TTC28: variants seen among roughly 807,000 people sequenced by gnomAD.
The protein encoded by TTC28 is tetratricopeptide repeat domain 28, also known as tetratricopeptide repeat protein 28.
TTC28 carries 61 observed loss-of-function variants against 198.0 expected under a neutral mutation model. That is an observed-to-expected ratio of 0.31 (90% CI 0.25 to 0.38). The LOEUF (loss-of-function observed/expected upper bound fraction) is 0.38. Among genes scored for constraint, TTC28 ranks in the 10% least tolerant of loss-of-function variants. The probability of loss-of-function intolerance (pLI) is 1.00; values close to 1 mark genes in which losing one functional copy is unlikely to be tolerated. For missense variants in TTC28, 2,678 were observed against 3,164.0 expected (o/e 0.85, Z 3.69); for synonymous variants, 1,171 against 1,297.8 (o/e 0.90, Z 2.10).
chr22:28,275,606 C>T (rs540546675), intron 5 of TTC28, among the ~76,000 whole-genome samples: 1 of 152,184 alleles, frequency 6.6e-6, no homozygotes, highest in African/African-American at 2.4e-5. Context: ...TGAAAGTGCC[C>T]TTTTCCTCAT....
chr22:28,193,777 A>G (rs1040081353), intron 5 of TTC28, among the ~76,000 whole-genome samples: 6 of 152,206 alleles, frequency 3.9e-5, no homozygotes, highest in African/African-American at 1.4e-4. Context: ...GAGCATCCAG[A>G]TTCATAAATC....
intron 5 of TTC28, among the ~76,000 whole-genome samples, chr22:28,169,498 A>C (rs960117954): frequency 6.6e-6 from 1 of 152,214 alleles, no homozygotes; most frequent in Non-Finnish European, 1.5e-5. Context: ...GCCATAAAAA[A>C]GGATGAGTCA....
chr22:28,099,070 T>C, intron 9 of TTC28, 26 bp from the exon 10 acceptor site: 2 of 1,551,466 alleles, frequency 1.3e-6, no homozygotes, highest in South Asian at 2.4e-5. Flanking sequence ...AAGAACATCA[T>C]CCATTCCCCA....
intron 1 of TTC28, among the ~76,000 whole-genome samples, chr22:28,649,310 C>A (rs2051529901): frequency 6.6e-6 from 1 of 152,176 alleles, no homozygotes. Context: ...TCTCAGACTT[C>A]ACCCACTACA....
intron 2 of TTC28, among the ~76,000 whole-genome samples, chr22:28,422,713 G>A (rs1397299365): frequency 1.3e-5 from 2 of 151,960 alleles, no homozygotes; most frequent in African/African-American, 4.8e-5. Flanking sequence ...CCAAAGTGCT[G>A]GGATTACAGG....
Position 28,591,034 on chromosome 22 carries a change from C to T in TTC28, c.381+38518G>A, listed in dbSNP as rs553412507. Among the ~76,000 whole-genome samples, 308 of 47,836 alleles carry T rather than the reference C, an allele frequency of 6.4e-3. 2 individuals are homozygous for T. Among genetic ancestry groups the T allele is most frequent in the Middle Eastern group, 0.012 (1 of 82 alleles). 31.4% of individuals were successfully genotyped at this position (47,836 alleles called of 152,430 possible). On this transcript the variant is annotated intron_variant, in intron 2 of 22. Transcript: ENST00000397906. ...ACACACACACACACACACACACACA[C>T]ACACACATATATATATATATATATA...
chr22:28,506,566 C>A (rs2048616425), intron 2 of TTC28, among the ~76,000 whole-genome samples: 1 of 152,248 alleles, frequency 6.6e-6, no homozygotes, highest in African/African-American at 2.4e-5. Flanking sequence ...AGTAGCCAGA[C>A]TGCTTCTTTA....
intron 1 of TTC28, among the ~76,000 whole-genome samples, chr22:28,650,463 G>A (rs991211949): frequency 2.6e-5 from 4 of 152,104 alleles, no homozygotes; most frequent in Non-Finnish European, 5.9e-5. Flanking sequence ...TAATCTTTTC[G>A]AGTCTTTCAC....
intron 3 of TTC28, among the ~76,000 whole-genome samples, chr22:28,306,084 G>C (rs1004048953): frequency 3.3e-5 from 5 of 152,006 alleles, no homozygotes; most frequent in African/African-American, 1.2e-4. Context: ...TGTCTTATTT[G>C]AGTATTTCTA....
intron 2 of TTC28, among the ~76,000 whole-genome samples, chr22:28,370,269 A>G (rs1349466805): frequency 6.6e-6 from 1 of 152,162 alleles, no homozygotes; most frequent in African/African-American, 2.4e-5. Context: ...GACTTCAATC[A>G]TACTATTTCC....
intron 5 of TTC28, among the ~76,000 whole-genome samples, chr22:28,191,076 C>T (rs901359040): frequency 1.3e-5 from 2 of 152,196 alleles, no homozygotes; most frequent in Non-Finnish European, 2.9e-5. Flanking sequence ...CATCTCCCTC[C>T]TCAGAACCTA....
intron 5 of TTC28, among the ~76,000 whole-genome samples, chr22:28,219,423 C>G (rs1206393497): frequency 6.6e-6 from 1 of 151,668 alleles, no homozygotes; most frequent in Non-Finnish European, 1.5e-5. Flanking sequence ...ACACGAGAAT[C>G]GCTTGAACCT....
Position 28,123,364 on chromosome 22 carries a change from T to TC in TTC28, c.1442-14962dup, listed in dbSNP as rs1260689798. ...TCCGCCTCCCGGGTTCAAGTGATTC[T>TC]CCTGCCTCAGCCTCCCAAGTAGCTG... On this transcript the variant is annotated intron_variant, in intron 6 of 22. Transcript: ENST00000397906. 2.6e-5 allele frequency among the ~76,000 whole-genome samples: 4 copies of TC among 152,140 alleles called. No homozygotes were observed. The East Asian group carries it at 7.7e-4, about 29-fold the overall frequency.
intron 5 of TTC28, among the ~76,000 whole-genome samples, chr22:28,177,984 G>A (rs1410083511): frequency 6.7e-6 from 1 of 150,108 alleles, no homozygotes; most frequent in Non-Finnish European, 1.5e-5. Context: ...GAACCCTAAT[G>A]TAAATATTGA....
chr22:28,606,381 A>G (rs897857134), intron 2 of TTC28, among the ~76,000 whole-genome samples: 3 of 151,850 alleles, frequency 2.0e-5, no homozygotes, highest in Admixed American at 6.6e-5. Context: ...GAGCCACCAC[A>G]CCCAGCCAAT....
At chr22:28,327,304 T>TTTG (rs2045548232) in intron 2 of TTC28, among the ~76,000 whole-genome samples, 2 of 152,202 alleles carry the variant, frequency 1.3e-5, no homozygotes, top group South Asian at 2.1e-4. Context: ...AGGTATCCTT[T>TTTG]TTGTTGATTT....
chr22:28,212,040 G>A (rs558326887), intron 5 of TTC28, among the ~76,000 whole-genome samples: 62 of 152,190 alleles, frequency 4.1e-4, no homozygotes, highest in Middle Eastern at 6.8e-3. Context: ...GGTACATAAC[G>A]AAATGAAGGC....
chr22:28,052,587 T>C (rs1234334878), intron 12 of TTC28, among the ~76,000 whole-genome samples: 1 of 152,170 alleles, frequency 6.6e-6, no homozygotes, highest in East Asian at 1.9e-4. Context: ...CTAAAGGAAA[T>C]GCTACCACAG....
intron 5 of TTC28, among the ~76,000 whole-genome samples, chr22:28,229,040 C>T (rs958437167): frequency 3.9e-5 from 6 of 151,916 alleles, no homozygotes; most frequent in African/African-American, 1.5e-4. Flanking sequence ...CCTGTAGTCC[C>T]AACTACTCAG....
Sources: gnomAD v4.1 joint callset for allele counts (sites outside exome capture counted in the v4.1 genomes callset) on GRCh38, gnomAD v4.1.1 for gene constraint, MANE v1.5 for transcripts, NCBI Gene and HGNC (gene_info 2026-07-23, HGNC 2026-07-21) for gene names.